PPP4R2: variants seen among roughly 807,000 people sequenced by gnomAD.
The protein encoded by PPP4R2 is serine/threonine-protein phosphatase 4 regulatory subunit 2.
In PPP4R2, 13 loss-of-function variants were observed where a neutral mutation model predicts 47.2. The ratio of observed to expected loss-of-function variants is 0.28; its 90% CI spans 0.18 to 0.44. The LOEUF is 0.44. Ranked by LOEUF, PPP4R2 falls within the 20% of genes least tolerant of loss-of-function variation. The probability of loss-of-function intolerance (pLI) is 1.00; values close to 1 mark genes in which losing one functional copy is unlikely to be tolerated. For synonymous variants in PPP4R2, 151 were observed against 163.3 expected (o/e 0.92, Z 0.57); for missense variants, 421 against 491.2 (o/e 0.86, Z 1.35).
chr3:73,023,581 AAT>A lies in PPP4R2; in HGVS notation c.117-23602_117-23601del, dbSNP rs1204030363. The stretch of plus-strand genomic sequence containing the variant: ...TTAAAAAACACAGCTGCATATTTAA[AAT>A]ATGTTTTTTATTACAAAAGTAGGAA... On this transcript the variant is annotated intron_variant, in intron 2 of 8. Coordinates refer to ENST00000356692, the MANE Select transcript of PPP4R2 (RefSeq NM_174907.4). Among the ~76,000 whole-genome samples, 8 of 152,334 alleles carry A rather than the reference AAT, an allele frequency of 5.3e-5. No individual in the cohort carries two copies. The South Asian group carries it at 6.2e-4, about 12-fold the overall frequency.
chr3:73,062,622 T>G (rs752311947), intron 5 of PPP4R2: 4 of 1,613,884 alleles, frequency 2.5e-6, no homozygotes, highest in Non-Finnish European at 3.4e-6. Flanking sequence ...TGAGAAGTCA[T>G]CAGTTCTCCG....
chr3:73,008,511 C>T (rs1345127488), intron 2 of PPP4R2, among the ~76,000 whole-genome samples: 1 of 152,092 alleles, frequency 6.6e-6, no homozygotes, highest in Non-Finnish European at 1.5e-5. Context: ...GGCTAGTTTC[C>T]TAATTGCATG....
At chr3:73,026,546 A>G (rs1251755885) in intron 2 of PPP4R2, among the ~76,000 whole-genome samples, 5 of 152,148 alleles carry the variant, frequency 3.3e-5, no homozygotes, top group African/African-American at 4.8e-5. Context: ...ATCTTTTCTT[A>G]CCACATAATA....
intron 2 of PPP4R2, among the ~76,000 whole-genome samples, chr3:73,027,487 A>AT (rs1170798341): frequency 2.6e-5 from 4 of 152,084 alleles, no homozygotes; most frequent in Admixed American, 2.0e-4. Flanking sequence ...GGAAGGTGGC[A>AT]TTTTTTCTAC....
chr3:73,065,296 G>C, intron 8 of PPP4R2, 101 bp from the exon 9 acceptor site: 1 of 1,333,788 alleles, frequency 7.5e-7, no homozygotes, highest in South Asian at 1.5e-5. Context: ...TGAATTTCAG[G>C]GGATGTGATT....
At chr3:72,999,412 C>G (rs1463416063) in intron 2 of PPP4R2, among the ~76,000 whole-genome samples, 2 of 152,248 alleles carry the variant, frequency 1.3e-5, no homozygotes, top group Admixed American at 1.3e-4. Flanking sequence ...AATGCTTAGA[C>G]TGCCACTATT....
At chr3:72,996,766 C>T (rs561839972), upstream of PPP4R2, 20 of 332,452 alleles carry the variant, frequency 6.0e-5, no homozygotes, top group Admixed American at 9.3e-4. Context: ...GAGCGCGCGG[C>T]GGGAGCGAGG....
chr3:73,038,211 C>G (rs1702302935), intron 2 of PPP4R2, among the ~76,000 whole-genome samples: 1 of 152,142 alleles, frequency 6.6e-6, no homozygotes, highest in Non-Finnish European at 1.5e-5. Flanking sequence ...AGATCCACTT[C>G]AGCCATTAAG....
At chr3:73,059,320 G>A (rs1041401644) in intron 4 of PPP4R2, among the ~76,000 whole-genome samples, 190 bp downstream of exon 4, 1 of 152,214 alleles carries the variant, frequency 6.6e-6, no homozygotes, top group South Asian at 2.1e-4. Context: ...CCGGGTAGAG[G>A]AGGGTTTGTG....
At chr3:73,061,585 C>A (rs1425554745) in intron 5 of PPP4R2, 5 of 163,774 alleles carry the variant, frequency 3.1e-5, no homozygotes, top group Non-Finnish European at 6.6e-5. Context: ...TGTCCTTGAC[C>A]TCTACCCACT....
At chr3:73,019,099 G>A (rs533019158) in intron 2 of PPP4R2, among the ~76,000 whole-genome samples, 2 of 152,208 alleles carry the variant, frequency 1.3e-5, no homozygotes, top group African/African-American at 4.8e-5. Flanking sequence ...GTATAATGCC[G>A]TATTTTTACT....
In PPP4R2 at chr3:73,007,490, T is replaced by C. The variant is rs540348765; in HGVS notation, c.116+9332T>C. Among the ~76,000 whole-genome samples, 5 of 152,030 alleles carry C rather than the reference T, an allele frequency of 3.3e-5. 1 individual carries two copies. Among genetic ancestry groups the C allele is most frequent in the Admixed American group, 3.3e-4 (5 of 15,282 alleles). On this transcript the variant is annotated intron_variant, in intron 2 of 8. Transcript: ENST00000356692. ...TTTCTGTTTTTTGTTTTTTGTTTTT[T>C]TTTGTGAGACAGAGTCTCACTCTGT...
chr3:73,053,484 C>T (rs1702663159), intron 3 of PPP4R2, among the ~76,000 whole-genome samples: 1 of 152,144 alleles, frequency 6.6e-6, no homozygotes, highest in Admixed American at 6.5e-5. Flanking sequence ...AATAACAGTT[C>T]AGACTATAGG....
intron 2 of PPP4R2, among the ~76,000 whole-genome samples, chr3:73,004,817 G>T (rs1701560218): frequency 6.6e-6 from 1 of 151,804 alleles, no homozygotes; most frequent in Non-Finnish European, 1.5e-5. Context: ...CTTCCTAAAA[G>T]ATTTTTTTCT....
intron 2 of PPP4R2, among the ~76,000 whole-genome samples, chr3:73,045,749 A>T (rs35799379): frequency 0.074 from 11,179 of 151,772 alleles, 501 homozygotes; most frequent in African/African-American, 0.12. Context: ...CTGATCTCGA[A>T]CTCCTGACCT....
At chr3:72,997,110 C>T (rs1161245822) in intron 1 of PPP4R2, 39 bp downstream of exon 1, 13 of 1,315,398 alleles carry the variant, frequency 9.9e-6, no homozygotes, top group Non-Finnish European at 1.2e-5. Flanking sequence ...CCCTCACCTT[C>T]TCCGGCTCGC....
At chr3:73,062,267 T>C (rs1218363278) in intron 5 of PPP4R2, 2 of 1,603,176 alleles carry the variant, frequency 1.2e-6, no homozygotes, top group Non-Finnish European at 1.7e-6. Flanking sequence ...GCCCAGGAGA[T>C]GACGCAATGG....
At position 73,054,438 on chromosome 3, in the gene PPP4R2, A is replaced by G. The variant is rs184555897; in HGVS notation, c.288-4599A>G. On this transcript the variant is annotated intron_variant, in intron 3 of 8. Transcript: ENST00000356692. ...GACTTTTGTAAGACTTTGTAGGTGTAAACAAAATTATGAACTTAGTCTTTG... is the reference window on the plus strand; with the variant it reads ...GACTTTTGTAAGACTTTGTAGGTGTGAACAAAATTATGAACTTAGTCTTTG... Among the ~76,000 whole-genome samples the G allele has an allele frequency of 3.9e-3, 592 of 152,348 alleles. 3 individuals are homozygous for G. Among genetic ancestry groups the G allele is most frequent in the African/African-American group, 0.013 (531 of 41,586 alleles).
chr3:73,048,117 C>T (rs1297584880), intron 3 of PPP4R2, among the ~76,000 whole-genome samples: 25 of 152,164 alleles, frequency 1.6e-4, no homozygotes, highest in Non-Finnish European at 7.4e-5. Context: ...CCTCATGATC[C>T]GCCTGCCTCG....
Sources: gnomAD v4.1 joint callset for allele counts (sites outside exome capture counted in the v4.1 genomes callset) on GRCh38, gnomAD v4.1.1 for gene constraint, MANE v1.5 for transcripts, NCBI Gene and HGNC (gene_info 2026-07-23, HGNC 2026-07-21) for gene names.